Variants in GRM4 observed in about 807,000 individuals in gnomAD.
GRM4 encodes the protein glutamate metabotropic receptor 4, also known as metabotropic glutamate receptor 4.
A neutral mutation model predicts 81.7 loss-of-function variants in GRM4; 28 were observed. The ratio of observed to expected loss-of-function variants is 0.34; its 90% confidence interval spans 0.25 to 0.47. The LOEUF (loss-of-function observed/expected upper bound fraction) is 0.47, where lower values mean the gene tolerates loss of function less well. Among genes scored for constraint, GRM4 ranks in the 20% least tolerant of loss-of-function variants. GRM4 has a pLI of 1.00. For synonymous variants in GRM4, 488 were observed against 528.8 expected (o/e 0.92, Z 1.06); for missense variants, 948 against 1,290.0 (o/e 0.73, Z 4.06).
In GRM4 at chr6:34,121,038, C is replaced by G. The variant is rs944403813; in HGVS notation, c.519+11940G>C. On this transcript the variant is annotated intron_variant, in intron 2 of 10. Transcript: ENST00000538487. The surrounding 1 kb of genome is among the most constrained non-coding windows in gnomAD (Gnocchi z 4.6). The stretch of plus-strand genomic sequence containing the variant: ...AATCATTTATTAAGATACGTGCACA[C>G]CTTGGTGAAAGAGAGTAAGCCCTTC... 2.0e-5 allele frequency among the ~76,000 whole-genome samples: 3 copies of G among 152,112 alleles called. No homozygotes were observed. The highest frequency in any genetic ancestry group is 4.4e-5 in the Non-Finnish European group (3 of 68,030).
chr6:34,101,665 T>G (rs1013867946), intron 2 of GRM4, among the ~76,000 whole-genome samples: 1 of 152,228 alleles, frequency 6.6e-6, no homozygotes, highest in Non-Finnish European at 1.5e-5. Context: ...AACTAAGGGC[T>G]GAAGTGGCCC....
intron 2 of GRM4, among the ~76,000 whole-genome samples, chr6:34,123,870 C>G (rs1209925820): frequency 6.6e-6 from 1 of 152,200 alleles, no homozygotes; most frequent in African/African-American, 2.4e-5. Context: ...CTTCCTCTCT[C>G]TGGTCTCCAG....
intron 2 of GRM4, chr6:34,103,977 A>C: frequency 1.8e-6 from 1 of 550,112 alleles, no homozygotes; most frequent in Non-Finnish European, 2.6e-6. Context: ...GCTCATGCAC[A>C]GCCTCCCTTG....
In GRM4 at chr6:34,069,647, A is replaced by AGTGTGTGTGTGTGTGTGTGTGTGTGT. The variant is rs3222082; in HGVS notation, c.737-7645_737-7620dup. On this transcript the variant is annotated intron_variant, in intron 3 of 10. Coordinates refer to ENST00000538487, the MANE Select transcript of GRM4 (RefSeq NM_000841.4). The surrounding 1 kb of genome is among the most constrained non-coding windows in gnomAD (Gnocchi z 6.4). ...GGCTTTACAACCCTTGGCAGCCCCC[A>AGTGTGTGTGTGTGTGTGTGTGTGTGT]GTGTGTGTGTGTGTGTGTGTGTGTG... 6.9e-6 allele frequency among the ~76,000 whole-genome samples: 1 copy of AGTGTGTGTGTGTGTGTGTGTGTGTGT among 144,404 alleles called. No homozygotes were observed. The highest frequency in any genetic ancestry group is 2.5e-5 in the African/African-American group (1 of 40,364). 94.7% of individuals were successfully genotyped at this position (144,404 alleles called of 152,430 possible). A position where few individuals can be genotyped will look rare whatever the true frequency, so the allele number is the denominator to read the frequency against.
rs764896879 is a variant in GRM4, at chr6:34,133,234, C to A, written c.263G>T (p.Arg88Leu). 3.7e-6 allele frequency: 6 copies of A among 1,614,162 alleles called. No homozygotes were observed. In the South Asian group the frequency reaches 5.5e-5, roughly 15 times the overall value. Reference protein sequence around the residue: ...RLEAMLFALDRINNDPDLLPN... With the variant: ...RLEAMLFALDLINNDPDLLPN... ...CAGCAGGTCCGGGTCGTTGTTGATG[C>A]GATCCAGGGCGAACAGCATGGCCTC... is the stretch of plus-strand genomic sequence containing the variant. Residue 88 changes from arginine to leucine, a missense_variant, in exon 2 of 11, where the codon CGC becomes CTC. Physicochemically the swap from Arg to Leu is moderately radical, Grantham distance 102 (BLOSUM62 -2). Coordinates refer to ENST00000538487, the MANE Select transcript of GRM4 (RefSeq NM_000841.4). The surrounding 1 kb of genome is among the most constrained non-coding windows in gnomAD (Gnocchi z 6.5).
intron 6 of GRM4, among the ~76,000 whole-genome samples, chr6:34,051,288 G>T (rs530340731): frequency 4.1e-4 from 62 of 152,304 alleles, no homozygotes; most frequent in Admixed American, 2.4e-3. Context: ...AATGTGGGTT[G>T]CTCCAAAAAT....
At chr6:34,053,016 C>T (rs540250657) in intron 6 of GRM4, among the ~76,000 whole-genome samples, 30 of 152,314 alleles carry the variant, frequency 2.0e-4, no homozygotes, top group Non-Finnish European at 4.3e-4. Flanking sequence ...AATTGCCTGT[C>T]TAAATCCCAA....
intron 1 of GRM4, among the ~76,000 whole-genome samples, chr6:34,141,457 T>A (rs1158812281): frequency 6.6e-6 from 1 of 152,246 alleles, no homozygotes; most frequent in East Asian, 1.9e-4. Context: ...AATGTCATTA[T>A]GCACTGCGTT....
intron 2 of GRM4, among the ~76,000 whole-genome samples, chr6:34,119,414 GGAGT>G (rs1433385000): frequency 9.5e-6 from 1 of 105,638 alleles, no homozygotes; most frequent in African/African-American, 3.7e-5. Context: ...AGAGAGAGAG[GGAGT>G]GAGTGAGGAA....
At chr6:34,087,418 C>CAAAAA (rs765556138) in intron 3 of GRM4, among the ~76,000 whole-genome samples, 2 of 66,572 alleles carry the variant, frequency 3.0e-5, no homozygotes, top group African/African-American at 1.1e-4. Flanking sequence ...GACTCCATCT[C>CAAAAA]AAAAAAAAAA....
intron 2 of GRM4, among the ~76,000 whole-genome samples, chr6:34,119,567 G>A (rs780983630): frequency 1.3e-5 from 2 of 152,202 alleles, no homozygotes; most frequent in Non-Finnish European, 2.9e-5. Context: ...ATGCGGCCAC[G>A]TACAGGGAAA....
intron 9 of GRM4, among the ~76,000 whole-genome samples, chr6:34,029,862 C>G (rs144445356): frequency 2.0e-5 from 3 of 152,198 alleles, no homozygotes; most frequent in Non-Finnish European, 4.4e-5. Context: ...TCCAGGCTGG[C>G]GTGGCCCAGG....
intron 1 of GRM4, among the ~76,000 whole-genome samples, chr6:34,143,878 G>A (rs1015647184): frequency 3.9e-5 from 6 of 152,216 alleles, no homozygotes; most frequent in Non-Finnish European, 8.8e-5. Context: ...CGGACAAGGC[G>A]AGGGACTATG....
At chr6:34,051,042 C>T (rs1232811494) in intron 6 of GRM4, among the ~76,000 whole-genome samples, 1 of 152,198 alleles carries the variant, frequency 6.6e-6, no homozygotes, top group Non-Finnish European at 1.5e-5. Context: ...AGGGTGCTTC[C>T]AAATGTTGGC....
At position 34,022,677 on chromosome 6, in the gene GRM4, G is replaced by C; in HGVS notation, c.*144C>G. The C allele has an allele frequency of 1.4e-6, 1 of 698,588 alleles. No individual in the cohort carries two copies. Among genetic ancestry groups the C allele is most frequent in the Non-Finnish European group, 2.5e-6 (1 of 397,886 alleles). The allele number at this position is 698,588 out of a possible 1,614,324, so 43.3% of individuals were successfully genotyped here. A position where few individuals can be genotyped will look rare whatever the true frequency, so the allele number is the denominator to read the frequency against. On this transcript the variant is annotated 3_prime_UTR_variant, in exon 11 of 11. Transcript: ENST00000538487. This position sits in a 1 kb window ranked among gnomAD's most constrained non-coding sequence, Gnocchi z 5.6. The stretch of plus-strand genomic sequence containing the variant: ...CCAGGCTGCCAGCAGTGATGGCTGG[G>C]GGCTCTGCTATCCTCAGCACCAAGC...
Position 34,115,926 on chromosome 6 carries a change from G to A in GRM4, c.519+17052C>T, listed in dbSNP as rs976287201. 1.3e-5 allele frequency among the ~76,000 whole-genome samples: 2 copies of A among 152,228 alleles called. No individual in the cohort carries two copies. The highest frequency in any genetic ancestry group is 4.8e-5 in the African/African-American group (2 of 41,452). On this transcript the variant is annotated intron_variant, in intron 2 of 10. Transcript: ENST00000538487. This position sits in a 1 kb window ranked among gnomAD's most constrained non-coding sequence, Gnocchi z 4.1. ...GAAAAGGTAAAAATGAGGTACCGAT[G>A]TTGGCCGCACCAGAAGAGGGCTTTA...
exon 1 of GRM4, chr6:34,155,599 A>C: frequency 2.2e-6 from 1 of 460,564 alleles, no homozygotes; most frequent in East Asian, 3.5e-5. Context: ...GGCTCAAGCG[A>C]TCCTCCAGCA....
chr6:34,053,850 C>T (rs1309355654), intron 6 of GRM4, among the ~76,000 whole-genome samples: 8 of 152,246 alleles, frequency 5.3e-5, no homozygotes, highest in Non-Finnish European at 1.2e-4. Context: ...CTGCTCCAGC[C>T]CTAAACACAC....
intron 1 of GRM4, among the ~76,000 whole-genome samples, chr6:34,138,577 C>T (rs1386639145): frequency 6.6e-6 from 1 of 152,226 alleles, no homozygotes; most frequent in Non-Finnish European, 1.5e-5. Flanking sequence ...GACCCCTCTG[C>T]TATCCATCCG....
Sources: allele counts gnomAD v4.1 joint callset (sites outside exome capture counted in the v4.1 genomes callset), GRCh38; gene constraint gnomAD v4.1.1; non-coding constraint Gnocchi (gnomAD v3.1); transcripts MANE v1.5; gene names NCBI Gene and HGNC (gene_info 2026-07-23, HGNC 2026-07-21).